The following ABCA13 variants were observed in gnomAD, a reference collection of about 807,000 sequenced individuals.
ABCA13 encodes ATP-binding cassette sub-family A member 13.
A neutral mutation model predicts 478.7 loss-of-function variants in ABCA13; 476 were observed. That is an observed-to-expected ratio of 0.99 (90% CI 0.92 to 1.07). The LOEUF is 1.07. Ranked by LOEUF, ABCA13 falls within the 50% of genes least tolerant of loss-of-function variation. ABCA13 has a pLI of 0.00. For synonymous variants in ABCA13, 2,252 were observed against 2,158.9 expected (o/e 1.04, Z -1.20); for missense variants, 6,060 against 5,910.6 (o/e 1.03, Z -0.83).
At position 48,229,888 on chromosome 7, in the gene ABCA13, T is replaced by A; in HGVS notation, c.696T>A (p.Ser232=). ...TCAACCAAACTTTTTCCCAGGTTTC[T>A]GAACTTGTACTGAATGTGACCATTT... ...LPLNQTFSQV[S]ELVLNVTIST... The change falls in exon 7 of 62, where the codon TCT becomes TCA. Residue 232 remains serine, a synonymous_variant. Transcript: ENST00000435803. 1 of 1,614,052 alleles carries A rather than the reference T, an allele frequency of 6.2e-7. No individual in the cohort carries two copies. Among genetic ancestry groups the A allele is most frequent in the Non-Finnish European group, 8.5e-7 (1 of 1,179,898 alleles).
chr7:48,510,508 T>C (rs190776823), intron 50 of ABCA13, among the ~76,000 whole-genome samples: 7 of 152,294 alleles, frequency 4.6e-5, no homozygotes, highest in Admixed American at 1.3e-4. Context: ...TGAAAGCTGA[T>C]TGGATTCCTT....
intron 35 of ABCA13, among the ~76,000 whole-genome samples, chr7:48,383,371 G>T (rs758187319): frequency 3.9e-5 from 6 of 152,170 alleles, no homozygotes; most frequent in Non-Finnish European, 7.3e-5. Flanking sequence ...ATGTATGTGG[G>T]TATACGTATG....
At chr7:48,259,868 G>C (rs1034998300) in intron 15 of ABCA13, among the ~76,000 whole-genome samples, 1 of 151,908 alleles carries the variant, frequency 6.6e-6, no homozygotes, top group African/African-American at 2.4e-5. Context: ...GTGCGTGAAA[G>C]CTCTGTTGTT....
chr7:48,313,967 TTA>T (rs1461264889), intron 25 of ABCA13, among the ~76,000 whole-genome samples: 7 of 143,866 alleles, frequency 4.9e-5, no homozygotes, highest in South Asian at 4.2e-4. Context: ...GTGTAAGGAC[TTA>T]TGTGTGTGTG....
chr7:48,521,014 A>G (rs1345752092), intron 53 of ABCA13, among the ~76,000 whole-genome samples: 1 of 152,046 alleles, frequency 6.6e-6, no homozygotes, highest in Admixed American at 6.6e-5. Flanking sequence ...AGTCAGTAGC[A>G]TGGGGCATGT....
At position 48,248,459 on chromosome 7, in the gene ABCA13, G is replaced by A. The variant is rs147448381; in HGVS notation, c.1865+15G>A. The stretch of plus-strand genomic sequence containing the variant: ...GTCTCCACAGTGTAAGTACATGTTT[G>A]GTGGGAAACTTATAAACAATTGGGA... On this transcript the variant is annotated intron_variant, in intron 14 of 61. Coordinates refer to ENST00000435803, the MANE Select transcript of ABCA13 (RefSeq NM_152701.5). The A allele has an allele frequency of 6.2e-5, 95 of 1,541,434 alleles. 1 individual carries two copies. The East Asian group carries it at 1.0e-3, about 17-fold the overall frequency.
At chr7:48,626,514 A>T (rs1413269246) in intron 59 of ABCA13, 1 of 718,822 alleles carries the variant, frequency 1.4e-6, no homozygotes, top group African/African-American at 1.9e-5. Context: ...AAGGTAAAAA[A>T]AAGGCAAAAT....
At chr7:48,645,130 C>T (rs1795357852) in intron 61 of ABCA13, among the ~76,000 whole-genome samples, 1 of 152,026 alleles carries the variant, frequency 6.6e-6, no homozygotes. Flanking sequence ...ACTAAGAGTA[C>T]CAGGAATATA....
chr7:48,487,353 C>T (rs536509746), intron 47 of ABCA13, among the ~76,000 whole-genome samples: 1 of 149,236 alleles, frequency 6.7e-6, no homozygotes, highest in African/African-American at 2.5e-5. Context: ...CAAACAAACA[C>T]AAACAGAAGT....
rs1416663562 is a variant in ABCA13 at position 48,412,847 on chromosome 7, C to T, written c.12459+264C>T. On this transcript the variant is annotated intron_variant, in intron 41 of 61. Transcript: ENST00000435803. Reference sequence around the variant, plus strand: ...TTTTGTTTTGTTTTTGTTTTTGAGACGTAGTGCAGGCTGGAGTGCAGTGGC... The same window carrying T: ...TTTTGTTTTGTTTTTGTTTTTGAGATGTAGTGCAGGCTGGAGTGCAGTGGC... 3.1e-4 allele frequency among the ~76,000 whole-genome samples: 46 copies of T among 150,184 alleles called. 1 individual carries two copies. Among genetic ancestry groups the T allele is most frequent in the Admixed American group, 2.5e-3 (37 of 15,002 alleles).
At chr7:48,622,932 G>A (rs1461964962) in intron 59 of ABCA13, among the ~76,000 whole-genome samples, 1 of 152,128 alleles carries the variant, frequency 6.6e-6, no homozygotes, top group African/African-American at 2.4e-5. Flanking sequence ...CCAGCATTCT[G>A]GTGCTACTTT....
chr7:48,246,558 A>G (rs565853188), intron 13 of ABCA13, among the ~76,000 whole-genome samples: 11 of 151,890 alleles, frequency 7.2e-5, no homozygotes, highest in African/African-American at 2.7e-4. Flanking sequence ...TAAAATTACA[A>G]TATTTATATT....
At chr7:48,207,528 AT>A (rs1182068597) in intron 3 of ABCA13, among the ~76,000 whole-genome samples, 1 of 152,074 alleles carries the variant, frequency 6.6e-6, no homozygotes, top group Non-Finnish European at 1.5e-5. Flanking sequence ...TGTAATTTGG[AT>A]TTTCCCTTCT....
In ABCA13 at chr7:48,611,441, T is replaced by G. The variant is rs1792015746; in HGVS notation, c.14745-3844T>G. On this transcript the variant is annotated intron_variant, in intron 58 of 61. Coordinates refer to ENST00000435803, the MANE Select transcript of ABCA13 (RefSeq NM_152701.5). ...TCTGTACCAATTTTCTGTATTAGTT[T>G]CTTTTCACACTGCCATAGAGAAAAG... Among the ~76,000 whole-genome samples the G allele has an allele frequency of 2.6e-5, 4 of 152,218 alleles. No individual in the cohort carries two copies. In the South Asian group the frequency reaches 8.3e-4, roughly 31 times the overall value.
At position 48,278,856 on chromosome 7, in the gene ABCA13, C is replaced by A. The variant is rs201958060; in HGVS notation, c.7662C>A (p.Phe2554Leu). Residue 2554 changes from phenylalanine to leucine, a missense_variant, in exon 18 of 62, where the codon TTC becomes TTA. Physicochemically the swap from Phe to Leu is conservative, Grantham distance 22. Transcript: ENST00000435803. The part of the protein sequence containing the change: ...FISNTKDSVK[F>L]FDTLYSIMQQ... ...CCAATACCAAGGACAGTGTGAAATT[C>A]TTTGACACTCTGTATTCCATCATGC... The A allele has an allele frequency of 4.3e-6, 7 of 1,613,502 alleles. No homozygotes were observed. Among genetic ancestry groups the A allele is most frequent in the Non-Finnish European group, 5.9e-6 (7 of 1,179,868 alleles).
chr7:48,195,022 T>C (rs36177364), intron 2 of ABCA13, among the ~76,000 whole-genome samples: 32,301 of 152,132 alleles, frequency 0.21, 4,099 homozygotes, highest in African/African-American at 0.34. Flanking sequence ...GGGAGCCATG[T>C]GAGCACACAA....
rs1173878446 is a variant in ABCA13, at chr7:48,647,088, C to T, written c.*1576C>T. On this transcript the variant is annotated 3_prime_UTR_variant, in exon 62 of 62. Transcript: ENST00000435803. Reference sequence around the variant, plus strand: ...ATCCTCAATAGAAAATCACATTAATCTTATTTTAAAATTTGGCCTTTTTCA... The same window carrying T: ...ATCCTCAATAGAAAATCACATTAATTTTATTTTAAAATTTGGCCTTTTTCA... The T allele has an allele frequency of 2.0e-5, 3 of 152,300 alleles. No individual in the cohort carries two copies. The highest frequency in any genetic ancestry group is 4.1e-4 in the South Asian group (2 of 4,828). The allele number at this position is 152,300 out of a possible 1,614,324, so 9.4% of individuals were successfully genotyped here. A position where few individuals can be genotyped will look rare whatever the true frequency, so the allele number is the denominator to read the frequency against.
intron 1 of ABCA13, among the ~76,000 whole-genome samples, chr7:48,178,789 C>A (rs1440631446): frequency 6.6e-6 from 1 of 151,226 alleles, no homozygotes; most frequent in East Asian, 1.9e-4. Flanking sequence ...AAAGACAAGC[C>A]ATCCAGTTTC....
At chr7:48,553,769 A>G (rs1785532972) in intron 55 of ABCA13, among the ~76,000 whole-genome samples, 1 of 151,684 alleles carries the variant, frequency 6.6e-6, no homozygotes. Flanking sequence ...CTGTCTCTTC[A>G]CTTTGTTGGT....
Sources: gnomAD v4.1 joint callset for allele counts (sites outside exome capture counted in the v4.1 genomes callset) on GRCh38, gnomAD v4.1.1 for gene constraint, MANE v1.5 for transcripts, NCBI Gene and HGNC (gene_info 2026-07-23, HGNC 2026-07-21) for gene names.